The following MGAT5B variants were observed in gnomAD, a reference collection of about 807,000 sequenced individuals.
MGAT5B encodes N-acetylglucosaminyl-transferase Vb.
Under a neutral mutation model 95.1 loss-of-function variants are expected in MGAT5B, and 54 were observed. The ratio of observed to expected loss-of-function variants is 0.57; its 90% CI spans 0.46 to 0.71. The LOEUF is 0.71. Ranked by LOEUF, MGAT5B falls within the 30% of genes least tolerant of loss-of-function variation. MGAT5B has a pLI of 0.00. For missense variants in MGAT5B, 935 were observed against 1,088.6 expected, an observed-to-expected ratio of 0.86 and a Z score of 1.99; for synonymous variants, 464 against 451.0, an observed-to-expected ratio of 1.03 and a Z score of -0.36.
chr17:76,933,728 T>G (rs28627889), intron 12 of MGAT5B, among the ~76,000 whole-genome samples: 2 of 151,994 alleles, frequency 1.3e-5, no homozygotes, highest in African/African-American at 4.8e-5. Flanking sequence ...GGATTAGATC[T>G]GGCTGTCGCA....
chr17:76,929,122 T>G (rs1408128511), intron 10 of MGAT5B, among the ~76,000 whole-genome samples: 1 of 152,170 alleles, frequency 6.6e-6, no homozygotes, highest in Non-Finnish European at 1.5e-5. Flanking sequence ...TGCCTCGGTC[T>G]CCCAAAGTGC....
chr17:76,872,520 C>A, intron 1 of MGAT5B: 1 of 702,600 alleles, frequency 1.4e-6, no homozygotes. Flanking sequence ...ATGCTGACTG[C>A]TCGTCTGGGG....
rs1970032471 is a variant in MGAT5B at position 76,946,446 on chromosome 17, A to T, written c.1919A>T (p.His640Leu). 6.3e-7 allele frequency: 1 copy of T among 1,588,538 alleles called. No homozygotes were observed. The highest frequency in any genetic ancestry group is 1.3e-5 in the African/African-American group (1 of 74,124). The change falls in exon 16 of 18, where the codon CAC becomes CTC. Residue 640 changes from histidine (H) to leucine (L), a missense_variant. Physicochemically the swap from His to Leu is moderately conservative, Grantham distance 99 (BLOSUM62 -3). This residue lies in a region of MGAT5B where 440 missense variants were observed against 523.6 expected (regional missense o/e 0.84). Transcript: ENST00000569840. ...MLERIHAYIQ[H>L]QDFCRAPDPA... ...GAGCGGATCCACGCCTACATCCAGC[A>T]CCAGGTCAGTGAGCCCTCTGGTCCC...
In MGAT5B at chr17:76,940,849, G is replaced by A; in HGVS notation, c.1848+1G>A. The A allele has an allele frequency of 4.3e-6, 7 of 1,611,960 alleles. No individual in the cohort carries two copies. The highest frequency in any genetic ancestry group is 5.9e-6 in the Non-Finnish European group (7 of 1,178,126). On this transcript the variant is annotated splice_donor_variant, in intron 15 of 17. Transcript: ENST00000569840. LOFTEE classifies it high-confidence loss of function. The surrounding 1 kb of genome is among the most constrained non-coding windows in gnomAD (Gnocchi z 4.3). ...CATCAAGGCCATTATGAGAACTCAG[G>A]TGAGAGCAGCCACATACAGTTGAGA...
Position 76,948,710 on chromosome 17 carries a change from C to T in MGAT5B, c.2251C>T (p.Gln751Ter), listed in dbSNP as rs1347843685. 1 of 1,613,352 alleles carries T rather than the reference C, an allele frequency of 6.2e-7. No individual in the cohort carries two copies. The highest frequency in any genetic ancestry group is 8.5e-7 in the Non-Finnish European group (1 of 1,179,852). ...GTACCCGGCGTTCGCCCAGCCTGGC[C>T]AGGAGTGCTACCTGCAGAAGGAGCC... ...HLYPAFAQPG[Q>*]ECYLQKEPLL... The change falls in exon 18 of 18, where the codon CAG becomes TAG. Residue 751 changes from glutamine (Q) to a stop codon, truncating the protein, a stop_gained. Transcript: ENST00000569840. LOFTEE classifies it high-confidence loss of function.
intron 3 of MGAT5B, among the ~76,000 whole-genome samples, chr17:76,902,133 G>T (rs1316629441): frequency 6.6e-6 from 1 of 152,274 alleles, no homozygotes; most frequent in East Asian, 1.9e-4. Flanking sequence ...GACATGTGCA[G>T]ATGTGGGCAC....
At position 76,916,615 on chromosome 17, in the gene MGAT5B, G is replaced by A. The variant is rs927436902; in HGVS notation, c.1026-8351G>A. 5.3e-5 allele frequency among the ~76,000 whole-genome samples: 8 copies of A among 152,190 alleles called. No individual in the cohort carries two copies. Among genetic ancestry groups the A allele is most frequent in the African/African-American group, 1.9e-4 (8 of 41,470 alleles). On this transcript the variant is annotated intron_variant, in intron 8 of 17. Transcript: ENST00000569840. The surrounding 1 kb of genome is among the most constrained non-coding windows in gnomAD (Gnocchi z 5.3). ...GGAGTTCAAGACCAACCTGAGCAAGGAAACCTCATCTCTACAAGAAAAAAC... is the reference window on the plus strand; with the variant it reads ...GGAGTTCAAGACCAACCTGAGCAAGAAAACCTCATCTCTACAAGAAAAAAC...
At position 76,905,314 on chromosome 17, in the gene MGAT5B, C is replaced by A; in HGVS notation, c.836C>A (p.Thr279Asn). 2 of 1,595,536 alleles carry A rather than the reference C, an allele frequency of 1.3e-6. No individual in the cohort carries two copies. Among genetic ancestry groups the A allele is most frequent in the South Asian group, 1.1e-5 (1 of 90,264 alleles). The change falls in exon 7 of 18, where the codon ACC (threonine) becomes AAC (asparagine). Residue 279 changes from threonine to asparagine, a missense_variant. By Grantham distance (65) the Thr-to-Asn change is moderately conservative. Transcript: ENST00000569840. This position sits in a 1 kb window ranked among gnomAD's most constrained non-coding sequence, Gnocchi z 4.2. ...AQRLAQKLGA[T>N]QRDQKQILVH... ...CGCCTGGCACAGAAGCTGGGGGCCA[C>A]CCAGAGGGACCAGAAGCAGGTGCGT... is the stretch of plus-strand genomic sequence containing the variant.
rs144710956 is a variant in MGAT5B at position 76,926,164 on chromosome 17, C to T, written c.1158-433C>T. ...GCCTTTTGCATCCTGGCCCTATAGA[C>T]TGGGCACATCCAGGGGTGTCAGGCT... On this transcript the variant is annotated intron_variant, in intron 9 of 17. Transcript: ENST00000569840. Among the ~76,000 whole-genome samples the T allele has an allele frequency of 4.3e-3, 655 of 152,268 alleles. 15 individuals carry two copies. The highest frequency in any genetic ancestry group is 0.032 in the Admixed American group (486 of 15,302).
intron 12 of MGAT5B, among the ~76,000 whole-genome samples, chr17:76,933,862 G>A (rs951078493): frequency 1.3e-5 from 2 of 152,156 alleles, no homozygotes; most frequent in African/African-American, 2.4e-5. Context: ...TTGACCCATC[G>A]TGTTTAGTTT....
intron 9 of MGAT5B, among the ~76,000 whole-genome samples, 183 bp from the exon 10 acceptor site, chr17:76,926,414 G>A (rs898514723): frequency 4.6e-5 from 7 of 152,298 alleles, no homozygotes; most frequent in Admixed American, 3.9e-4. Flanking sequence ...AGGCAGCACA[G>A]AGAGGTGAAG....
At chr17:76,882,833 G>C (rs1041300530) in intron 3 of MGAT5B, among the ~76,000 whole-genome samples, 1 of 148,254 alleles carries the variant, frequency 6.7e-6, no homozygotes, top group Non-Finnish European at 1.5e-5. Context: ...TCCCACCCCA[G>C]CCTCCTGAGT....
chr17:76,888,711 T>A (rs779209375), intron 3 of MGAT5B, among the ~76,000 whole-genome samples: 3 of 152,014 alleles, frequency 2.0e-5, no homozygotes, highest in Non-Finnish European at 2.9e-5. Flanking sequence ...AGGGGCCTCT[T>A]TGAGGGACCA....
Position 76,906,334 on chromosome 17 carries a change from C to T in MGAT5B, c.1025+147C>T, listed in dbSNP as rs985089628. On this transcript the variant is annotated intron_variant, in intron 8 of 17. Transcript: ENST00000569840. This position sits in a 1 kb window ranked among gnomAD's most constrained non-coding sequence, Gnocchi z 4.6. ...GACCCTGGGAGACATCCTGGTGTTC[C>T]GCAGGACATCACCACTCCTAATCCC... 38 of 698,508 alleles carry T rather than the reference C, an allele frequency of 5.4e-5. No homozygotes were observed. Among genetic ancestry groups the T allele is most frequent in the East Asian group, 1.6e-4 (5 of 31,482 alleles). 43.3% of individuals were successfully genotyped at this position (698,508 alleles called of 1,614,324 possible). A position where few individuals can be genotyped will look rare whatever the true frequency, so the allele number is the denominator to read the frequency against.
intron 12 of MGAT5B, among the ~76,000 whole-genome samples, chr17:76,936,481 T>G (rs1209583543): frequency 1.3e-5 from 2 of 152,204 alleles, no homozygotes; most frequent in African/African-American, 2.4e-5. Context: ...TGTTTTCTTT[T>G]AGGGATTGTG....
At chr17:76,904,516 A>T in intron 6 of MGAT5B, 94 bp downstream of exon 6, 1 of 1,368,820 alleles carries the variant, frequency 7.3e-7, no homozygotes, top group Non-Finnish European at 9.8e-7. Context: ...AGGGAATGAG[A>T]CTGAGCTGCT....
In MGAT5B at chr17:76,914,351, G is replaced by A. The variant is rs946965980; in HGVS notation, c.1025+8164G>A. On this transcript the variant is annotated intron_variant, in intron 8 of 17. Coordinates refer to ENST00000569840, the MANE Select transcript of MGAT5B (RefSeq NM_001199172.2). The surrounding 1 kb of genome is among the most constrained non-coding windows in gnomAD (Gnocchi z 5.1). The stretch of plus-strand genomic sequence containing the variant: ...GCCAGGAGCCGGGAGGAGAAAGAGC[G>A]CAGGAGCAGGGGTTACAGAATCGCA... 6.6e-6 allele frequency among the ~76,000 whole-genome samples: 1 copy of A among 152,216 alleles called. No individual in the cohort carries two copies. The highest frequency in any genetic ancestry group is 1.9e-4 in the East Asian group (1 of 5,200).
Position 76,868,512 on chromosome 17 carries a change from C to A in MGAT5B, c.-518C>A, listed in dbSNP as rs1330963299. The A allele has an allele frequency of 6.7e-6, 1 of 149,506 alleles. No homozygotes were observed. The highest frequency in any genetic ancestry group is 2.4e-5 in the African/African-American group (1 of 41,056). 9.3% of individuals were successfully genotyped at this position (149,506 alleles called of 1,614,324 possible). On this transcript the variant is annotated 5_prime_UTR_variant, in exon 1 of 18. Transcript: ENST00000569840. This position sits in a 1 kb window ranked among gnomAD's most constrained non-coding sequence, Gnocchi z 6.3. ...GCGGCGGAGCCAGCGGGCGAGAGAG[C>A]GCGCGGCGGGCGCGGGTTGCCCTCG...
chr17:76,890,260 C>T (rs983707104), intron 3 of MGAT5B, among the ~76,000 whole-genome samples: 7 of 152,244 alleles, frequency 4.6e-5, no homozygotes, highest in African/African-American at 1.4e-4. Context: ...AGACTCACTG[C>T]TTTCTGATGT....
Sources: gnomAD v4.1 joint callset for allele counts (sites outside exome capture counted in the v4.1 genomes callset) on GRCh38, gnomAD v4.1.1 for gene constraint, gnomAD v4.1.1 regional missense constraint, Gnocchi (gnomAD v3.1) non-coding constraint, MANE v1.5 for transcripts, NCBI Gene and HGNC (gene_info 2026-07-23, HGNC 2026-07-21) for gene names.